Variants in LRRC7 observed in about 807,000 individuals in gnomAD.
LRRC7 encodes the protein leucine-rich repeat-containing protein 7.
LRRC7 carries 23 observed loss-of-function variants against 175.7 expected under a neutral mutation model. That is an observed-to-expected ratio of 0.13 (90% CI 0.09 to 0.19). LRRC7 has a LOEUF of 0.19. Ranked by LOEUF, LRRC7 falls within the 10% of genes least tolerant of loss-of-function variation. The probability of loss-of-function intolerance (pLI) is 1.00; values close to 1 mark genes in which losing one functional copy is unlikely to be tolerated. For synonymous variants in LRRC7, 685 were observed against 680.9 expected, an observed-to-expected ratio of 1.01 and a Z score of -0.09; for missense variants, 1,354 against 1,904.7, an observed-to-expected ratio of 0.71 and a Z score of 5.38.
chr1:69,962,299 A>G (rs1414088176), intron 8 of LRRC7, among the ~76,000 whole-genome samples: 1 of 152,252 alleles, frequency 6.6e-6, no homozygotes, highest in Non-Finnish European at 1.5e-5. Flanking sequence ...CACACCAGTC[A>G]GAATGGCTAT....
At chr1:69,853,210 C>T (rs1407821047) in intron 7 of LRRC7, among the ~76,000 whole-genome samples, 1 of 148,486 alleles carries the variant, frequency 6.7e-6, no homozygotes, top group African/African-American at 2.5e-5. Context: ...GAATTCTGTT[C>T]TACTTGAGTT....
intron 1 of LRRC7, among the ~76,000 whole-genome samples, chr1:69,616,458 C>A (rs570382195): frequency 6.6e-6 from 1 of 152,060 alleles, no homozygotes; most frequent in East Asian, 1.9e-4. Context: ...AACCTTCAAG[C>A]TTTTTGTGAG....
At chr1:70,033,594 C>T (rs1658998088) in intron 18 of LRRC7, among the ~76,000 whole-genome samples, 1 of 152,136 alleles carries the variant, frequency 6.6e-6, no homozygotes, top group African/African-American at 2.4e-5. Context: ...ATCCTCTCTT[C>T]CTGGTCACTA....
intron 1 of LRRC7, among the ~76,000 whole-genome samples, chr1:69,645,082 T>G (rs1654813319): frequency 6.6e-6 from 1 of 152,004 alleles, no homozygotes. Flanking sequence ...TGTTGTAACT[T>G]GTACACTACA....
chr1:69,799,183 G>T (rs1044487397), intron 4 of LRRC7, among the ~76,000 whole-genome samples: 1 of 146,092 alleles, frequency 6.8e-6, no homozygotes. Flanking sequence ...GATGCCATTT[G>T]TCATAAAGAA....
chr1:69,657,183 C>CATTT (rs1290518851), intron 1 of LRRC7, among the ~76,000 whole-genome samples: 1 of 151,600 alleles, frequency 6.6e-6, no homozygotes, highest in African/African-American at 2.4e-5. Flanking sequence ...TTCTCACCAG[C>CATTT]ATTTCTATGT....
At chr1:69,873,431 T>G (rs1202403067) in intron 7 of LRRC7, 2 of 533,270 alleles carry the variant, frequency 3.8e-6, no homozygotes, top group East Asian at 1.1e-4. Context: ...AGGAGTTCCA[T>G]CTTTTGGGCA....
Position 70,131,623 on chromosome 1 carries a change from A to G in LRRC7, c.*9736A>G, listed in dbSNP as rs1666666446. Among the ~76,000 whole-genome samples, 1 of 152,192 alleles carries G rather than the reference A, an allele frequency of 6.6e-6. No homozygotes were observed. The highest frequency in any genetic ancestry group is 2.4e-5 in the African/African-American group (1 of 41,468). On this transcript the variant is annotated 3_prime_UTR_variant, in exon 27 of 27. Transcript: ENST00000651989. Reference sequence around the variant, plus strand: ...GAACTTGATAACTATCAAGTTAATTATGTCTTCTTCTCATAAAATTTTTGA... The same window carrying G: ...GAACTTGATAACTATCAAGTTAATTGTGTCTTCTTCTCATAAAATTTTTGA...
At chr1:69,816,858 A>G (rs1189687683) in intron 4 of LRRC7, among the ~76,000 whole-genome samples, 1 of 151,988 alleles carries the variant, frequency 6.6e-6, no homozygotes, top group African/African-American at 2.4e-5. Context: ...TAAGAATTAG[A>G]CTTTTTTAGA....
At chr1:70,097,142 C>T (rs138329584) in intron 25 of LRRC7, among the ~76,000 whole-genome samples, 1 of 152,062 alleles carries the variant, frequency 6.6e-6, no homozygotes, top group Admixed American at 6.6e-5. Context: ...ATATGATTCC[C>T]CCACCCCTTT....
intron 3 of LRRC7, among the ~76,000 whole-genome samples, chr1:69,786,226 T>G (rs559381316): frequency 1.6e-4 from 24 of 152,162 alleles, no homozygotes; most frequent in Non-Finnish European, 2.9e-4. Context: ...CTTATAACTC[T>G]CAAGTGGGTT....
chr1:69,875,375 G>A (rs544750814), intron 7 of LRRC7, among the ~76,000 whole-genome samples: 1 of 152,030 alleles, frequency 6.6e-6, no homozygotes, highest in Non-Finnish European at 1.5e-5. Flanking sequence ...TGTATGTGTA[G>A]CATAAAGGAA....
intron 1 of LRRC7, among the ~76,000 whole-genome samples, chr1:69,641,681 C>A (rs1012785): frequency 0.21 from 31,121 of 151,348 alleles, 3,898 homozygotes; most frequent in South Asian, 0.29. Context: ...GAACTAGAAG[C>A]TGAAAAATTA....
At chr1:69,610,401 C>T (rs775636123) in intron 1 of LRRC7, among the ~76,000 whole-genome samples, 24 of 152,088 alleles carry the variant, frequency 1.6e-4, no homozygotes, top group Admixed American at 8.5e-4. Context: ...TTCAGTGAGA[C>T]AAGATTGGTC....
chr1:70,114,947 G>A (rs1241118567), intron 26 of LRRC7, among the ~76,000 whole-genome samples: 2 of 152,054 alleles, frequency 1.3e-5, no homozygotes, highest in Non-Finnish European at 2.9e-5. Context: ...TGTCTTTATT[G>A]TGTCATTTAA....
At chr1:69,758,648 C>T (rs1188371201) in intron 2 of LRRC7, among the ~76,000 whole-genome samples, 3 of 151,918 alleles carry the variant, frequency 2.0e-5, no homozygotes, top group Admixed American at 6.6e-5. Flanking sequence ...TTTGAATCCT[C>T]ACCCTCATTC....
At chr1:70,013,303 A>G (rs1014826222) in intron 13 of LRRC7, among the ~76,000 whole-genome samples, 7 of 151,960 alleles carry the variant, frequency 4.6e-5, no homozygotes, top group Admixed American at 3.9e-4. Context: ...TATGTAATGT[A>G]TTAAAATTAT....
intron 7 of LRRC7, among the ~76,000 whole-genome samples, chr1:69,909,473 C>A (rs1390721022): frequency 6.6e-6 from 1 of 152,092 alleles, no homozygotes; most frequent in Non-Finnish European, 1.5e-5. Flanking sequence ...CTGGGGGTGA[C>A]AAAATCTGCC....
intron 1 of LRRC7, among the ~76,000 whole-genome samples, chr1:69,625,293 A>G (rs1191749606): frequency 1.3e-5 from 2 of 150,340 alleles, no homozygotes; most frequent in African/African-American, 2.4e-5. Flanking sequence ...TTCTTTAACA[A>G]TTTTTTATAT....
Sources: gnomAD v4.1 joint callset for allele counts (sites outside exome capture counted in the v4.1 genomes callset) on GRCh38, gnomAD v4.1.1 for gene constraint, MANE v1.5 for transcripts, NCBI Gene and HGNC (gene_info 2026-07-23, HGNC 2026-07-21) for gene names.